The following WWOX variants were observed in gnomAD, a reference collection of about 807,000 sequenced individuals.
WWOX encodes the protein WW domain-containing oxidoreductase.
A neutral mutation model predicts 46.2 loss-of-function variants in WWOX; 69 were observed. The observed-to-expected ratio is 1.49, with a 90% CI of 1.23 to 1.82. The LOEUF (loss-of-function observed/expected upper bound fraction) is 1.82. WWOX is among the 40% of genes most tolerant of loss of function. The pLI is 0.00. For missense variants in WWOX, 919 were observed against 542.6 expected (o/e 1.69, Z -6.89); for synonymous variants, 359 against 202.6 (o/e 1.77, Z -6.56).
intron 8 of WWOX, among the ~76,000 whole-genome samples, chr16:78,512,218 G>GA (rs980872467): frequency 5.3e-5 from 8 of 152,250 alleles, no homozygotes; most frequent in African/African-American, 1.4e-4. Context: ...TATACATGGA[G>GA]AAGAAACTCC....
intron 4 of WWOX, among the ~76,000 whole-genome samples, chr16:78,161,742 C>G (rs2034801210): frequency 6.6e-6 from 1 of 152,300 alleles, no homozygotes; most frequent in African/African-American, 2.4e-5. Flanking sequence ...GTCATCTTCT[C>G]TCCTTTCTTG....
At chr16:78,953,602 C>T (rs946549088) in intron 8 of WWOX, among the ~76,000 whole-genome samples, 1 of 152,198 alleles carries the variant, frequency 6.6e-6, no homozygotes, top group African/African-American at 2.4e-5. Context: ...CCACTGTTGC[C>T]TCAATGCCCA....
At position 78,992,023 on chromosome 16, in the gene WWOX, T is replaced by C. The variant is rs1012384568; in HGVS notation, c.1057-219585T>C. 6.6e-5 allele frequency among the ~76,000 whole-genome samples: 10 copies of C among 152,208 alleles called. No homozygotes were observed. In the South Asian group the frequency reaches 2.1e-3, roughly 32 times the overall value. ...ACTCACCTGAAGGATCTTCTCCCTC[T>C]CCCCACTTTCAGGCTCTCCTTTCAC... On this transcript the variant is annotated intron_variant, in intron 8 of 8. Coordinates refer to ENST00000566780, the MANE Select transcript of WWOX (RefSeq NM_016373.4).
rs1352520259 is a variant in WWOX at position 78,829,328 on chromosome 16, C to T, written c.1057-382280C>T. On this transcript the variant is annotated intron_variant, in intron 8 of 8. Coordinates refer to ENST00000566780, the MANE Select transcript of WWOX (RefSeq NM_016373.4). ...GAAGACAAGCATCCCAGGTTGAAGA[C>T]AGTCAGGCAAAGAGAGAAAATTATT... Among the ~76,000 whole-genome samples, 6 of 152,164 alleles carry T rather than the reference C, an allele frequency of 3.9e-5. No individual in the cohort carries two copies. The East Asian group carries it at 5.8e-4, about 15-fold the overall frequency.
chr16:78,117,589 G>T (rs948488863), intron 4 of WWOX, among the ~76,000 whole-genome samples: 3 of 152,160 alleles, frequency 2.0e-5, no homozygotes, highest in Admixed American at 2.0e-4. Context: ...TATCCTGCGT[G>T]GCTGCCTTAG....
chr16:78,549,605 G>C (rs2738508), intron 8 of WWOX, among the ~76,000 whole-genome samples: 11 of 152,148 alleles, frequency 7.2e-5, no homozygotes, highest in Non-Finnish European at 1.3e-4. Context: ...TTTGATCGAA[G>C]AGCTCTTGTT....
intron 8 of WWOX, among the ~76,000 whole-genome samples, chr16:78,619,361 C>CAA (rs375477648): frequency 0.43 from 29,972 of 70,338 alleles, 7,453 homozygotes; most frequent in Middle Eastern, 0.6. Flanking sequence ...GACGCCATCT[C>CAA]AAAAAAAAAA....
intron 8 of WWOX, among the ~76,000 whole-genome samples, chr16:79,062,430 C>G (rs898879288): frequency 6.6e-6 from 1 of 151,664 alleles, no homozygotes; most frequent in African/African-American, 2.4e-5. Flanking sequence ...GCCAGGGAAC[C>G]AAGGCCTTTC....
chr16:78,194,247 T>C (rs2035976339), intron 5 of WWOX, among the ~76,000 whole-genome samples: 1 of 152,122 alleles, frequency 6.6e-6, no homozygotes, highest in Non-Finnish European at 1.5e-5. Context: ...ACAGGTTTAT[T>C]GGAACTGCTT....
chr16:78,933,154 G>T (rs1473922841), intron 8 of WWOX, among the ~76,000 whole-genome samples: 1 of 152,168 alleles, frequency 6.6e-6, no homozygotes, highest in African/African-American at 2.4e-5. Context: ...AAGGCAAGAT[G>T]TTGGCCTGGC....
chr16:78,972,934 G>A (rs1366171733), intron 8 of WWOX, among the ~76,000 whole-genome samples: 1 of 152,208 alleles, frequency 6.6e-6, no homozygotes, highest in African/African-American at 2.4e-5. Flanking sequence ...GAAGGGCTGA[G>A]TAATTGACAA....
At chr16:78,835,542 A>T (rs760376655) in intron 8 of WWOX, among the ~76,000 whole-genome samples, 7 of 152,232 alleles carry the variant, frequency 4.6e-5, no homozygotes, top group Non-Finnish European at 1.0e-4. Context: ...GCACTTAAGA[A>T]TGTTCACACA....
exon 9 of WWOX, chr16:79,212,661 A>AATATC (rs2051810590): frequency 6.7e-6 from 1 of 148,518 alleles, no homozygotes; most frequent in South Asian, 2.1e-4. Context: ...AACATGCTTG[A>AATATC]ATATCATCAC....
At chr16:79,132,829 G>C (rs1288378904) in intron 8 of WWOX, among the ~76,000 whole-genome samples, 1 of 152,158 alleles carries the variant, frequency 6.6e-6, no homozygotes, top group Admixed American at 6.5e-5. Context: ...AATTATTTAG[G>C]TGGCCAAGAG....
At chr16:79,034,740 C>T (rs2047832768) in intron 8 of WWOX, among the ~76,000 whole-genome samples, 2 of 152,032 alleles carry the variant, frequency 1.3e-5, no homozygotes, top group East Asian at 1.9e-4. Flanking sequence ...TCAGAGCATA[C>T]CTGCCGTGCT....
chr16:79,209,012 C>CTTT, intron 8 of WWOX, among the ~76,000 whole-genome samples: 1 of 151,992 alleles, frequency 6.6e-6, no homozygotes, highest in East Asian at 1.9e-4. Flanking sequence ...TAGAGAAGGT[C>CTTT]GTCTTTGCTT....
intron 8 of WWOX, among the ~76,000 whole-genome samples, chr16:78,620,457 C>A (rs577028152): frequency 2.5e-4 from 38 of 152,256 alleles, no homozygotes; most frequent in Middle Eastern, 3.4e-3. Flanking sequence ...GAAACTTGGT[C>A]CCTGGATGGG....
chr16:78,945,063 G>A lies in WWOX; in HGVS notation c.1057-266545G>A, dbSNP rs569871487. 5.3e-5 allele frequency among the ~76,000 whole-genome samples: 8 copies of A among 152,132 alleles called. No individual in the cohort carries two copies. In the East Asian group the frequency reaches 9.7e-4, roughly 18 times the overall value. On this transcript the variant is annotated intron_variant, in intron 8 of 8. Transcript: ENST00000566780. ...GGCATGGTGGCGTACACCTGTAGTC[G>A]CAGGTACTTGGGAGGCTGAGGTAAG... is the stretch of plus-strand genomic sequence containing the variant.
At chr16:78,394,213 C>T (rs948621521) in intron 6 of WWOX, among the ~76,000 whole-genome samples, 15 of 152,102 alleles carry the variant, frequency 9.9e-5, no homozygotes, top group African/African-American at 3.6e-4. Flanking sequence ...ATGAGAAATC[C>T]ATTTTTGGTT....
Sources: allele counts gnomAD v4.1 joint callset (sites outside exome capture counted in the v4.1 genomes callset), GRCh38; gene constraint gnomAD v4.1.1; transcripts MANE v1.5; gene names NCBI Gene and HGNC (gene_info 2026-07-23, HGNC 2026-07-21).